The following NCOR2 variants were observed in gnomAD, a reference collection of about 807,000 sequenced individuals.
NCOR2 encodes the protein nuclear receptor corepressor 2.
In NCOR2, 81 loss-of-function variants were observed where a neutral mutation model predicts 262.9. The ratio of observed to expected loss-of-function variants is 0.31; its 90% CI spans 0.26 to 0.37. NCOR2 has a LOEUF of 0.37. Ranked by LOEUF, NCOR2 falls within the 10% of genes least tolerant of loss-of-function variation. The pLI, the probability that NCOR2 is intolerant of heterozygous loss-of-function variation, is 1.00. For missense variants in NCOR2, 3,385 were observed against 3,621.4 expected (o/e 0.93, Z 1.68); for synonymous variants, 1,659 against 1,559.3 (o/e 1.06, Z -1.51).
In NCOR2 at chr12:124,346,516, C is replaced by T. The variant is rs750475996; in HGVS notation, c.4359+48G>A. 3.3e-5 allele frequency: 48 copies of T among 1,456,702 alleles called. No homozygotes were observed. The East Asian group carries it at 6.8e-4, about 21-fold the overall frequency. The allele number at this position is 1,456,702 out of a possible 1,614,324, so 90.2% of individuals were successfully genotyped here. A position where few individuals can be genotyped will look rare whatever the true frequency, so the allele number is the denominator to read the frequency against. ...GCCCAGGGCAGTGCCCCACAGCCAC[C>T]GCCACCCCTCCTAGAACTGGGCCCG... is the stretch of plus-strand genomic sequence containing the variant. On this transcript the variant is annotated intron_variant, in intron 31 of 46. Transcript: ENST00000405201.
chr12:124,399,899 G>A (rs891959398), intron 15 of NCOR2, among the ~76,000 whole-genome samples: 1 of 152,130 alleles, frequency 6.6e-6, no homozygotes, highest in African/African-American at 2.4e-5. Flanking sequence ...GGTAGTGAGG[G>A]ATGAACACCC....
intron 44 of NCOR2, among the ~76,000 whole-genome samples, chr12:124,329,528 G>A (rs1440498296): frequency 6.6e-6 from 1 of 152,060 alleles, no homozygotes; most frequent in Non-Finnish European, 1.5e-5. Flanking sequence ...TCAGCTTGAG[G>A]ACAGGAGTTC....
At chr12:124,361,555 G>A (rs1007087152) in intron 22 of NCOR2, among the ~76,000 whole-genome samples, 3 of 152,190 alleles carry the variant, frequency 2.0e-5, no homozygotes, top group Admixed American at 6.5e-5. Flanking sequence ...ACAGCGGCTC[G>A]GGAGTCACCC....
intron 5 of NCOR2, among the ~76,000 whole-genome samples, chr12:124,459,523 C>T (rs943967342): frequency 6.6e-6 from 1 of 152,076 alleles, no homozygotes; most frequent in African/African-American, 2.4e-5. Flanking sequence ...ATCTGGGAGT[C>T]GGCTGTGCTC....
chr12:124,404,622 G>C (rs1043579186), intron 13 of NCOR2, among the ~76,000 whole-genome samples: 1 of 152,224 alleles, frequency 6.6e-6, no homozygotes, highest in African/African-American at 2.4e-5. Flanking sequence ...TTGGGAGAGG[G>C]ATGCATCTGG....
chr12:124,327,792 T>C, intron 44 of NCOR2, 159 bp from the exon 47 acceptor site: 1 of 612,688 alleles, frequency 1.6e-6, no homozygotes, highest in East Asian at 2.8e-5. Flanking sequence ...AAGCAACATA[T>C]TTATTTCCCT....
At position 124,449,803 on chromosome 12, in the gene NCOR2, G is replaced by A. The variant is rs777643431; in HGVS notation, c.815+12C>T. On this transcript the variant is annotated intron_variant, in intron 7 of 46. Transcript: ENST00000405201. ...CCTCTGTGTGTCTGCACGGCTGCCC[G>A]CGAGCACTCACATTTTGATGTTCTC... 63 of 1,613,772 alleles carry A rather than the reference G, an allele frequency of 3.9e-5. No homozygotes were observed. Among genetic ancestry groups the A allele is most frequent in the Non-Finnish European group, 4.8e-5 (57 of 1,179,912 alleles).
rs1183618165 is a variant in NCOR2 at position 124,422,488 on chromosome 12, G to A, written c.1383+13C>T. On this transcript the variant is annotated intron_variant, in intron 12 of 46. Transcript: ENST00000405201. ...GTGGAGACCGAAGGGGTATGGGGCGGGCAGCGACTCACCTTCCTCTCCAGG... is the reference window on the plus strand; with the variant it reads ...GTGGAGACCGAAGGGGTATGGGGCGAGCAGCGACTCACCTTCCTCTCCAGG... 1 of 1,613,974 alleles carries A rather than the reference G, an allele frequency of 6.2e-7. No homozygotes were observed. The highest frequency in any genetic ancestry group is 1.7e-5 in the Admixed American group (1 of 60,022).
intron 11 of NCOR2, among the ~76,000 whole-genome samples, chr12:124,423,511 C>T (rs924275099): frequency 1.3e-5 from 2 of 152,248 alleles, no homozygotes; most frequent in African/African-American, 4.8e-5. Flanking sequence ...GCTCTCTTCC[C>T]GGTGGAAGCG....
intron 20 of NCOR2, among the ~76,000 whole-genome samples, chr12:124,365,033 T>G (rs1269581326): frequency 6.7e-6 from 1 of 149,484 alleles, no homozygotes; most frequent in Non-Finnish European, 1.5e-5. Flanking sequence ...GGAGGTGGCC[T>G]GGCCTGCGTT....
intron 1 of NCOR2, among the ~76,000 whole-genome samples, chr12:124,557,787 T>C (rs555622932): frequency 4.3e-4 from 66 of 152,282 alleles, no homozygotes; most frequent in African/African-American, 1.5e-3. Context: ...CTTCCTCCCC[T>C]GGTTTACCCA....
In NCOR2 at chr12:124,383,468, C is replaced by T. The variant is rs1386102240; in HGVS notation, c.2019+2277G>A. ...TCAACAGGGTGCCTTAAGCATGGCC[C>T]GTGCCACCTTGGCCCAGTGCTCATA... On this transcript the variant is annotated intron_variant, in intron 17 of 46. Coordinates refer to ENST00000405201, the Ensembl canonical transcript of NCOR2. The T allele has an allele frequency of 9.9e-6, 9 of 906,900 alleles. No homozygotes were observed. The East Asian group carries it at 2.3e-4, about 23-fold the overall frequency. The allele number at this position is 906,900 out of a possible 1,614,324, so 56.2% of individuals were successfully genotyped here.
At position 124,429,801 on chromosome 12, in the gene NCOR2, AGAG is replaced by A. The variant is rs140012460; in HGVS notation, c.1056-98_1056-96del. The stretch of plus-strand genomic sequence containing the variant: ...GCAGCCCTGAGCCCACGCCCTCCCC[AGAG>A]GAGAAGTGTGGGCAGCGGCCAGCAG... On this transcript the variant is annotated intron_variant, in intron 9 of 46. Coordinates refer to ENST00000405201, the Ensembl canonical transcript of NCOR2. 1,245 of 1,217,484 alleles carry A rather than the reference AGAG, an allele frequency of 1.0e-3. 11 individuals are homozygous for A. The African/African-American group carries it at 0.016, about 16-fold the overall frequency. The allele number at this position is 1,217,484 out of a possible 1,614,324, so 75.4% of individuals were successfully genotyped here.
chr12:124,476,744 T>G (rs1408179595), intron 3 of NCOR2, among the ~76,000 whole-genome samples: 1 of 151,962 alleles, frequency 6.6e-6, no homozygotes, highest in East Asian at 1.9e-4. Context: ...CGCAGCAAAA[T>G]TGCACAAGTA....
chr12:124,384,411 G>T (rs1161960361), intron 17 of NCOR2, among the ~76,000 whole-genome samples: 2 of 152,254 alleles, frequency 1.3e-5, no homozygotes, highest in Non-Finnish European at 2.9e-5. Context: ...AATCCCAGGG[G>T]CCAATGTGGA....
At chr12:124,344,451 G>A in intron 32 of NCOR2, 146 bp downstream of exon 34, 2 of 730,142 alleles carry the variant, frequency 2.7e-6, no homozygotes, top group Non-Finnish European at 2.1e-6. Context: ...CGGAGGCAGA[G>A]CCCACGGGCC....
intron 1 of NCOR2, chr12:124,514,784 T>C (rs958199307): frequency 6.9e-6 from 1 of 144,440 alleles, no homozygotes; most frequent in African/African-American, 2.6e-5. Flanking sequence ...GCCACAGCTC[T>C]GCACTCCAGC....
chr12:124,341,908 G>A (rs759844026), exon 34 of NCOR2: 37 of 1,612,838 alleles, frequency 2.3e-5, no homozygotes, highest in East Asian at 2.2e-4. Context: ...GGGCCATGGC[G>A]GTGGCCGCGT....
Position 124,336,804 on chromosome 12 carries a change from T to C in NCOR2, c.6064A>G (p.Lys2022Glu). 6.2e-7 allele frequency: 1 copy of C among 1,613,364 alleles called. No homozygotes were observed. Among genetic ancestry groups the C allele is most frequent in the Non-Finnish European group, 8.5e-7 (1 of 1,179,742 alleles). The change falls in exon 38 of 47, where the codon AAG becomes GAG. Residue 2022 changes from lysine (K) to glutamate (E), a missense_variant. Lys to Glu is a moderately conservative substitution (Grantham distance 56). Coordinates refer to ENST00000405201, the Ensembl canonical transcript of NCOR2. ...ATGGAAAAGGGTTTACTTTGAGTCT[T>C]TTCCCGGTGCGGGTCCGAGGCCGAG...
Sources: gnomAD v4.1 joint callset for allele counts (sites outside exome capture counted in the v4.1 genomes callset) on GRCh38, gnomAD v4.1.1 for gene constraint, MANE v1.5 for transcripts, NCBI Gene and HGNC (gene_info 2026-07-23, HGNC 2026-07-21) for gene names.